CSMD1: variants seen among roughly 807,000 people sequenced by gnomAD.
The protein encoded by CSMD1 is CUB and Sushi multiple domains 1.
CSMD1 carries 213 observed loss-of-function variants against 417.5 expected under a neutral mutation model. That is an observed-to-expected ratio of 0.51 (90% CI 0.46 to 0.57). The LOEUF (loss-of-function observed/expected upper bound fraction) is 0.57, where lower values mean the gene tolerates loss of function less well. Ranked by LOEUF, CSMD1 falls within the 20% of genes least tolerant of loss-of-function variation. CSMD1 has a pLI of 0.00. For missense variants in CSMD1, 6,923 were observed against 4,529.7 expected, an observed-to-expected ratio of 1.53 and a Z score of -15.17; for synonymous variants, 2,862 against 1,736.8, an observed-to-expected ratio of 1.65 and a Z score of -16.11.
chr8:4,252,033 T>C (rs750943595), intron 3 of CSMD1, among the ~76,000 whole-genome samples: 1 of 152,168 alleles, frequency 6.6e-6, no homozygotes, highest in African/African-American at 2.4e-5. Context: ...TTGTGTTTAC[T>C]TGAATTTCTT....
chr8:3,547,483 C>T (rs1236940985), intron 10 of CSMD1, among the ~76,000 whole-genome samples: 1 of 152,086 alleles, frequency 6.6e-6, no homozygotes, highest in Non-Finnish European at 1.5e-5. Flanking sequence ...TAATGTTTTC[C>T]AACTTCTGAG....
intron 3 of CSMD1, among the ~76,000 whole-genome samples, chr8:4,089,706 G>C (rs1055262682): frequency 2.0e-5 from 3 of 152,154 alleles, no homozygotes; most frequent in Non-Finnish European, 4.4e-5. Context: ...AACACAGAAA[G>C]CTAGCTCAAG....
chr8:3,836,801 C>A (rs12549632), intron 5 of CSMD1, among the ~76,000 whole-genome samples: 53,826 of 151,842 alleles, frequency 0.35, 10,318 homozygotes, highest in African/African-American at 0.5. Flanking sequence ...TTTATTTCTT[C>A]TCACAGTTTA....
chr8:4,791,059 GGAGAGAGACGGTGAGAGAGACGGT>G (rs137905173), intron 1 of CSMD1, among the ~76,000 whole-genome samples: 5 of 143,704 alleles, frequency 3.5e-5, no homozygotes, highest in South Asian at 4.3e-4. Context: ...AAGCTAGTAG[GGAGAGAGACGGTGAGAGAGACGGT>G]GAGAGAGACG....
chr8:3,846,061 TA>T (rs567094489), intron 5 of CSMD1, among the ~76,000 whole-genome samples: 60 of 148,054 alleles, frequency 4.1e-4, no homozygotes, highest in South Asian at 1.1e-3. Flanking sequence ...CAGTTAAAAT[TA>T]AAAAAAAAAT....
intron 9 of CSMD1, among the ~76,000 whole-genome samples, chr8:3,585,053 G>A (rs1800539570): frequency 6.6e-6 from 1 of 152,150 alleles, no homozygotes; most frequent in Non-Finnish European, 1.5e-5. Context: ...CTCGCTATCA[G>A]CTGGGCCATA....
chr8:4,274,209 G>C (rs893566746), intron 3 of CSMD1, among the ~76,000 whole-genome samples: 6 of 152,084 alleles, frequency 3.9e-5, no homozygotes, highest in Non-Finnish European at 5.9e-5. Flanking sequence ...GAAGAAAATA[G>C]TTTATAAAGT....
chr8:4,932,461 GAAAT>G (rs1165495758), intron 1 of CSMD1, among the ~76,000 whole-genome samples: 1 of 152,128 alleles, frequency 6.6e-6, no homozygotes, highest in African/African-American at 2.4e-5. Flanking sequence ...GTCTTAAAGA[GAAAT>G]AATATACTAC....
chr8:4,736,507 A>T (rs1563253159), intron 1 of CSMD1, among the ~76,000 whole-genome samples: 1 of 152,124 alleles, frequency 6.6e-6, no homozygotes, highest in Non-Finnish European at 1.5e-5. Flanking sequence ...TCAGATACTC[A>T]AGCATACACT....
At chr8:4,024,011 C>T (rs116713054) in intron 4 of CSMD1, among the ~76,000 whole-genome samples, 1,656 of 152,064 alleles carry the variant, frequency 0.011, 40 homozygotes, top group African/African-American at 0.037. Flanking sequence ...ATATTTGACA[C>T]TGCAAAGGTT....
intron 5 of CSMD1, among the ~76,000 whole-genome samples, chr8:3,974,397 T>A (rs1018346040): frequency 2.0e-5 from 3 of 152,034 alleles, no homozygotes; most frequent in South Asian, 4.1e-4. Context: ...AAATTAAACA[T>A]GTATTTTTAT....
chr8:4,249,308 C>A (rs900318559), intron 3 of CSMD1, among the ~76,000 whole-genome samples: 11 of 152,158 alleles, frequency 7.2e-5, no homozygotes, highest in African/African-American at 2.2e-4. Flanking sequence ...TGAAGATGAC[C>A]TGGCAAAGCC....
intron 5 of CSMD1, among the ~76,000 whole-genome samples, chr8:3,943,009 T>C (rs762038311): frequency 6.6e-6 from 1 of 152,256 alleles, no homozygotes; most frequent in East Asian, 1.9e-4. Context: ...TCTAAATTAT[T>C]AAGTTTTATT....
intron 7 of CSMD1, among the ~76,000 whole-genome samples, chr8:3,621,059 A>G (rs1476868333): frequency 1.3e-5 from 2 of 152,194 alleles, no homozygotes; most frequent in South Asian, 2.1e-4. Context: ...TACATAAAGG[A>G]AAGTCCATGT....
intron 49 of CSMD1, among the ~76,000 whole-genome samples, chr8:3,080,894 T>C (rs1324800176): frequency 6.6e-6 from 1 of 152,128 alleles, no homozygotes; most frequent in African/African-American, 2.4e-5. Flanking sequence ...CAAATCCGAG[T>C]AATTTTTCTC....
At position 3,839,438 on chromosome 8, in the gene CSMD1, T is replaced by C. The variant is rs1257189553; in HGVS notation, c.819-85396A>G. Among the ~76,000 whole-genome samples, 57 of 124,164 alleles carry C rather than the reference T, an allele frequency of 4.6e-4. 1 individual carries two copies. Among genetic ancestry groups the C allele is most frequent in the African/African-American group, 1.7e-3 (54 of 31,900 alleles). The allele number at this position is 124,164 out of a possible 152,430, so 81.5% of individuals were successfully genotyped here. ...AATAAATATATATAATAAATTAATATTATATATTATAATATAATATATTAT... is the reference window on the plus strand; with the variant it reads ...AATAAATATATATAATAAATTAATACTATATATTATAATATAATATATTAT... On this transcript the variant is annotated intron_variant, in intron 5 of 69. Coordinates refer to ENST00000635120, the MANE Select transcript of CSMD1 (RefSeq NM_033225.6).
chr8:4,941,691 C>G (rs1190730736), intron 1 of CSMD1, among the ~76,000 whole-genome samples: 3 of 152,062 alleles, frequency 2.0e-5, no homozygotes, highest in African/African-American at 7.2e-5. Flanking sequence ...CTCGATCCCT[C>G]TAGCTCAAGC....
chr8:3,044,503 C>T (rs1303924187), intron 50 of CSMD1, among the ~76,000 whole-genome samples: 1 of 152,154 alleles, frequency 6.6e-6, no homozygotes. Context: ...ATATGATACA[C>T]ATCTTTCATC....
At chr8:4,276,010 T>G (rs1482949041) in intron 3 of CSMD1, among the ~76,000 whole-genome samples, 1 of 152,208 alleles carries the variant, frequency 6.6e-6, no homozygotes, top group Non-Finnish European at 1.5e-5. Flanking sequence ...GGAATGCTTT[T>G]ACAATGTTGG....
Sources: allele counts gnomAD v4.1 joint callset (sites outside exome capture counted in the v4.1 genomes callset), GRCh38; gene constraint gnomAD v4.1.1; transcripts MANE v1.5; gene names NCBI Gene and HGNC (gene_info 2026-07-23, HGNC 2026-07-21).